Variants in ACOT12 observed in about 807,000 individuals in gnomAD.
The protein encoded by ACOT12 is acyl-CoA thioesterase 12.
In ACOT12, 51 loss-of-function variants were observed where a neutral mutation model predicts 67.7. The observed-to-expected ratio is 0.75, with a 90% confidence interval of 0.60 to 0.95. ACOT12 has a LOEUF of 0.95. Ranked by LOEUF, ACOT12 falls within the 40% of genes least tolerant of loss-of-function variation. The pLI, the probability that ACOT12 is intolerant of heterozygous loss-of-function variation, is 0.00. For missense variants in ACOT12, 734 were observed against 708.1 expected (o/e 1.04, Z -0.41); for synonymous variants, 251 against 244.6 (o/e 1.03, Z -0.24).
chr5:81,362,555 C>T (rs781245849), intron 4 of ACOT12, among the ~76,000 whole-genome samples: 60 of 152,124 alleles, frequency 3.9e-4, no homozygotes, highest in Non-Finnish European at 7.2e-4. Context: ...CTCTGCTGCC[C>T]CTCGCAAAGG....
intron 2 of ACOT12, among the ~76,000 whole-genome samples, chr5:81,372,346 A>C (rs994331428): frequency 3.9e-5 from 6 of 152,186 alleles, no homozygotes; most frequent in Non-Finnish European, 8.8e-5. Flanking sequence ...TTTTGTATTC[A>C]GGCCCTTCAG....
rs189148877 is a variant in ACOT12, at chr5:81,357,731, C to T, written c.496+2172G>A. 2.0e-4 allele frequency among the ~76,000 whole-genome samples: 30 copies of T among 152,166 alleles called. No homozygotes were observed. The East Asian group carries it at 4.6e-3, about 24-fold the overall frequency. ...TTCAAAAGAACTGTTCCTTGCTGGG[C>T]GCGGTGACTCACACCTGTAACCCCA... On this transcript the variant is annotated intron_variant, in intron 5 of 14. Transcript: ENST00000307624.
At chr5:81,360,062 T>C in intron 4 of ACOT12, 24 bp from the exon 5 acceptor site, 1 of 1,584,534 alleles carries the variant, frequency 6.3e-7, no homozygotes, top group Non-Finnish European at 8.5e-7. Context: ...AGCATTTATC[T>C]TTTATTGCCT....
chr5:81,367,785 A>G (rs1250364014), intron 3 of ACOT12, among the ~76,000 whole-genome samples: 1 of 152,202 alleles, frequency 6.6e-6, no homozygotes, highest in Non-Finnish European at 1.5e-5. Flanking sequence ...GTTAGAATAA[A>G]TAAAAAAATA....
At chr5:81,308,754 C>T in the ACOT12 span, 3 of 1,577,966 alleles carry the variant, frequency 1.9e-6, no homozygotes, top group East Asian at 6.8e-5. Flanking sequence ...ATGGGGAAAG[C>T]CAATAAATAG....
chr5:81,352,824 A>G (rs1283221947), intron 5 of ACOT12, among the ~76,000 whole-genome samples: 1 of 152,212 alleles, frequency 6.6e-6, no homozygotes, highest in Non-Finnish European at 1.5e-5. Flanking sequence ...GTATGCTTGT[A>G]TCACAGTATT....
intron 2 of ACOT12, among the ~76,000 whole-genome samples, chr5:81,385,273 C>T (rs1271963838): frequency 6.6e-6 from 1 of 151,812 alleles, no homozygotes; most frequent in Non-Finnish European, 1.5e-5. Context: ...ATGATGAAAC[C>T]CCATCTCTAA....
intron 12 of ACOT12, among the ~76,000 whole-genome samples, chr5:81,333,173 A>C (rs1482517384): frequency 6.6e-6 from 1 of 152,220 alleles, no homozygotes; most frequent in East Asian, 1.9e-4. Flanking sequence ...CTTCAAGTTC[A>C]TAATTCTCAA....
chr5:81,345,110 TGCCACCTCCTCGC>T, intron 7 of ACOT12, 69 bp from the exon 8 acceptor site: 2 of 646,620 alleles, frequency 3.1e-6, no homozygotes, highest in South Asian at 4.2e-5. Context: ...TGCACACCGC[TGCCACCTCCTCGC>T]CCACCGCTGC....
the ACOT12 span, among the ~76,000 whole-genome samples, chr5:81,321,117 G>A: frequency 2.6e-5 from 4 of 152,102 alleles, no homozygotes; most frequent in Admixed American, 1.3e-4. Flanking sequence ...TCAGCAGAAC[G>A]TGGTGGCTTG....
chr5:81,387,532 CTTTT>C (rs71000823), intron 1 of ACOT12, among the ~76,000 whole-genome samples: 1 of 127,266 alleles, frequency 7.9e-6, no homozygotes, highest in Non-Finnish European at 1.6e-5. Context: ...TCTTGAGTAT[CTTTT>C]TTTTTTTTTT....
the ACOT12 span, chr5:81,312,814 G>T: frequency 3.6e-6 from 2 of 549,982 alleles, no homozygotes; most frequent in Non-Finnish European, 6.5e-6. Flanking sequence ...TCTTTATTCT[G>T]TCTATCAAAT....
chr5:81,377,269 G>T (rs750840578), intron 2 of ACOT12, among the ~76,000 whole-genome samples: 6 of 152,058 alleles, frequency 3.9e-5, no homozygotes, highest in African/African-American at 1.4e-4. Flanking sequence ...TGCAGAAAAG[G>T]CCTTCAACAA....
Position 81,344,943 on chromosome 5 carries a change from G to A in ACOT12, c.872C>T (p.Ala291Val). The change falls in exon 8 of 15, where the codon GCT becomes GTT. Residue 291 changes from alanine to valine, a missense_variant. Coordinates refer to ENST00000307624, the MANE Select transcript of ACOT12 (RefSeq NM_130767.3). ...CGTGATGAGATTTTCCTTATCATCA[G>A]CAGCATTGTAAATGAGAAAAGCACT... ...INSAFLIYNA[A>V]DDKENLITFP... 1 of 1,614,186 alleles carries A rather than the reference G, an allele frequency of 6.2e-7. No homozygotes were observed.
intron 11 of ACOT12, 33 bp from the exon 12 acceptor site, chr5:81,335,934 G>A (rs1402707607): frequency 5.7e-6 from 9 of 1,583,672 alleles, no homozygotes; most frequent in Non-Finnish European, 7.7e-6. Flanking sequence ...AATTACGAAA[G>A]AAAACTGATG....
intron 3 of ACOT12, among the ~76,000 whole-genome samples, chr5:81,364,514 A>C (rs965021659): frequency 6.6e-6 from 1 of 151,450 alleles, no homozygotes; most frequent in African/African-American, 2.4e-5. Context: ...TGCAACCTCC[A>C]CCTCCCGGGT....
intron 5 of ACOT12, among the ~76,000 whole-genome samples, chr5:81,358,007 CAAAAA>C (rs777333534): frequency 0.28 from 19,516 of 70,772 alleles, 841 homozygotes; most frequent in African/African-American, 0.35. Flanking sequence ...CCCCATCTCA[CAAAAA>C]AAAAAAAAAA....
Position 81,352,961 on chromosome 5 carries a change from T to C in ACOT12, c.497-5031A>G, listed in dbSNP as rs115190699. Among the ~76,000 whole-genome samples, 1,184 of 152,334 alleles carry C rather than the reference T, an allele frequency of 7.8e-3. 18 individuals are homozygous for C. The highest frequency in any genetic ancestry group is 0.027 in the African/African-American group (1,126 of 41,576). ...ACTTACTTTTTAACTATATGCCTTT[T>C]TATGCGTTTTGCATTTTTTACCCTG... On this transcript the variant is annotated intron_variant, in intron 5 of 14. Coordinates refer to ENST00000307624, the MANE Select transcript of ACOT12 (RefSeq NM_130767.3).
chr5:81,363,763 A>T (rs1759989343), intron 4 of ACOT12, 25 bp downstream of exon 4: 1 of 1,558,796 alleles, frequency 6.4e-7, no homozygotes, highest in Non-Finnish European at 8.8e-7. Context: ...TACATGCTAG[A>T]TACATCTTCA....
Sources: gnomAD v4.1 joint callset for allele counts (sites outside exome capture counted in the v4.1 genomes callset) on GRCh38, gnomAD v4.1.1 for gene constraint, MANE v1.5 for transcripts, NCBI Gene and HGNC (gene_info 2026-07-23, HGNC 2026-07-21) for gene names.